Variants in UNC80 observed in about 807,000 individuals in gnomAD.
UNC80 encodes the protein unc-80 subunit of NALCN channel complex.
Under a neutral mutation model 384.6 loss-of-function variants are expected in UNC80, and 164 were observed. The observed-to-expected ratio is 0.43, with a 90% confidence interval of 0.38 to 0.49. UNC80 has a LOEUF of 0.49. Among genes scored for constraint, UNC80 ranks in the 20% least tolerant of loss-of-function variants. The pLI is 0.00. For synonymous variants in UNC80, 1,486 were observed against 1,527.8 expected (o/e 0.97, Z 0.64); for missense variants, 3,330 against 4,143.0 (o/e 0.80, Z 5.39).
Position 209,997,816 on chromosome 2 carries a change from C to T in UNC80, c.*2221C>T, listed in dbSNP as rs898115718. On this transcript the variant is annotated 3_prime_UTR_variant, in exon 65 of 65. Coordinates refer to ENST00000673920, the MANE Select transcript of UNC80 (RefSeq NM_001371986.1). Reference sequence around the variant, plus strand: ...TGTGCATCTGTTCCATTTAAGGTGCCCTTAAATGTGTTGAATGTAATGTGT... The same window carrying T: ...TGTGCATCTGTTCCATTTAAGGTGCTCTTAAATGTGTTGAATGTAATGTGT... The T allele has an allele frequency of 1.4e-4, 22 of 151,810 alleles. No individual in the cohort carries two copies. The highest frequency in any genetic ancestry group is 4.6e-4 in the African/African-American group (19 of 41,288). 9.4% of individuals were successfully genotyped at this position (151,810 alleles called of 1,614,324 possible).
chr2:209,943,620 T>G (rs13394206), intron 45 of UNC80, 106 bp downstream of exon 45: 51,140 of 1,362,608 alleles, frequency 0.038, 2,998 homozygotes, highest in African/African-American at 0.23. Flanking sequence ...CCATCACTTG[T>G]GTTTTGGCAG....
chr2:209,824,002 A>T (rs2080325244), intron 13 of UNC80, among the ~76,000 whole-genome samples: 1 of 152,272 alleles, frequency 6.6e-6, no homozygotes, highest in African/African-American at 2.4e-5. Flanking sequence ...ACTTTATTTC[A>T]TGCACAAAAT....
chr2:209,947,701 C>G (rs960032727), intron 47 of UNC80, among the ~76,000 whole-genome samples: 9 of 152,058 alleles, frequency 5.9e-5, no homozygotes, highest in African/African-American at 2.2e-4. Context: ...TTTGTAACAG[C>G]AAGTCTCTGT....
chr2:209,897,987 C>A (rs963014797), intron 28 of UNC80, among the ~76,000 whole-genome samples: 13 of 152,006 alleles, frequency 8.6e-5, no homozygotes, highest in African/African-American at 3.1e-4. Flanking sequence ...CATTTAATAT[C>A]AATATTCAAA....
chr2:209,906,510 T>G (rs1033758561), intron 29 of UNC80, among the ~76,000 whole-genome samples: 1 of 152,132 alleles, frequency 6.6e-6, no homozygotes, highest in African/African-American at 2.4e-5. Context: ...TTTTCAACTG[T>G]GGGGGCTCAG....
rs954891452 is a variant in UNC80 at position 209,965,397 on chromosome 2, T to A, written c.7806-2040T>A. On this transcript the variant is annotated intron_variant, in intron 51 of 64. Coordinates refer to ENST00000673920, the MANE Select transcript of UNC80 (RefSeq NM_001371986.1). ...ATACTGATCTCTCTACCTTTTTATA[T>A]GTTTGAGATTTTCCAAAATAAAAGT... Among the ~76,000 whole-genome samples, 5 of 152,218 alleles carry A rather than the reference T, an allele frequency of 3.3e-5. No individual in the cohort carries two copies. In the Middle Eastern group the frequency reaches 0.01, roughly 311 times the overall value.
At chr2:209,777,064 T>A (rs1231840345) in intron 3 of UNC80, among the ~76,000 whole-genome samples, 194 bp from the exon 4 acceptor site, 1 of 152,240 alleles carries the variant, frequency 6.6e-6, no homozygotes, top group African/African-American at 2.4e-5. Context: ...CAGCAGTTTC[T>A]GCCCCCATGG....
At chr2:209,868,207 A>G (rs940420745) in intron 22 of UNC80, among the ~76,000 whole-genome samples, 2 of 152,360 alleles carry the variant, frequency 1.3e-5, no homozygotes, top group East Asian at 1.9e-4. Flanking sequence ...TGGAATGCCT[A>G]CTAAGACCCC....
Position 209,834,621 on chromosome 2 carries a change from C to T in UNC80, c.2943-291C>T, listed in dbSNP as rs80054697. ...CTAGTAAACATATATTTATTTTATGCCTATTGTATATTAAATGCCACTTAA... is the reference window on the plus strand; with the variant it reads ...CTAGTAAACATATATTTATTTTATGTCTATTGTATATTAAATGCCACTTAA... On this transcript the variant is annotated intron_variant, in intron 17 of 64. Transcript: ENST00000673920. Among the ~76,000 whole-genome samples, 528 of 152,206 alleles carry T rather than the reference C, an allele frequency of 3.5e-3. 4 individuals are homozygous for T. The highest frequency in any genetic ancestry group is 9.7e-3 in the African/African-American group (402 of 41,520).
At position 209,967,645 on chromosome 2, in the gene UNC80, T is replaced by C. The variant is rs201106234; in HGVS notation, c.8006+8T>C. On this transcript the variant is annotated splice_region_variant and intron_variant, in intron 52 of 64. Transcript: ENST00000673920. ...TAAGATGCCTACTTTGAGGTGAGAA[T>C]GCCTCCGAGTTAGCTGTTGCTATCA... 77 of 1,550,732 alleles carry C rather than the reference T, an allele frequency of 5.0e-5. 1 individual carries two copies. The highest frequency in any genetic ancestry group is 5.8e-5 in the Non-Finnish European group (67 of 1,146,312).
At position 209,945,080 on chromosome 2, in the gene UNC80, T is replaced by A; in HGVS notation, c.7080T>A (p.Gly2360=). 1 of 1,551,712 alleles carries A rather than the reference T, an allele frequency of 6.4e-7. No individual in the cohort carries two copies. The highest frequency in any genetic ancestry group is 2.4e-5 in the East Asian group (1 of 40,912). ...CTGCCAATAATGGGCCCAGCAAAGGTGTGTCAGCTCAGTGCCTGTTTGACT... is the reference window on the plus strand; with the variant it reads ...CTGCCAATAATGGGCCCAGCAAAGGAGTGTCAGCTCAGTGCCTGTTTGACT... ...PDAANNGPSK[G]VSAQCLFDLL... The change falls in exon 46 of 65, where the codon GGT becomes GGA. Residue 2360 remains glycine (G), a synonymous_variant. Transcript: ENST00000673920.
Position 209,872,753 on chromosome 2 carries a change from C to T in UNC80, c.3628-5C>T, listed in dbSNP as rs2124882730. ...CATTATTCTTTCCTAAACAACCCTA[C>T]ACAGGAAGCCCCTGTGGTGGCCAGA... On this transcript the variant is annotated splice_polypyrimidine_tract_variant and splice_region_variant and intron_variant, in intron 22 of 64. Transcript: ENST00000673920. The surrounding 1 kb of genome is among the most constrained non-coding windows in gnomAD (Gnocchi z 4.1). The T allele has an allele frequency of 6.4e-7, 1 of 1,551,258 alleles. No individual in the cohort carries two copies. Among genetic ancestry groups the T allele is most frequent in the East Asian group, 2.4e-5 (1 of 40,914 alleles).
At chr2:209,873,958 TAA>T (rs939671830) in intron 23 of UNC80, among the ~76,000 whole-genome samples, 7 of 147,632 alleles carry the variant, frequency 4.7e-5, no homozygotes, top group Admixed American at 4.1e-4. Flanking sequence ...ACATCCTGTT[TAA>T]AAAGATACAC....
chr2:209,961,021 C>T (rs2092572400), intron 51 of UNC80: 1 of 151,858 alleles, frequency 6.6e-6, no homozygotes, highest in Non-Finnish European at 1.5e-5. Context: ...GACCAATGGC[C>T]ATTTTGTGAG....
intron 59 of UNC80, among the ~76,000 whole-genome samples, chr2:209,979,147 G>A (rs529267903): frequency 2.0e-4 from 31 of 152,272 alleles, no homozygotes; most frequent in South Asian, 1.0e-3. Flanking sequence ...TACTCTGGAG[G>A]CTGAGGCATG....
At chr2:209,945,809 C>G (rs780288467) in intron 46 of UNC80, 38 bp from the exon 47 acceptor site, 3 of 1,415,426 alleles carry the variant, frequency 2.1e-6, no homozygotes, top group Non-Finnish European at 2.9e-6. Flanking sequence ...CCTGCAAAAT[C>G]CACTCTGATA....
intron 64 of UNC80, 22 bp downstream of exon 64, chr2:209,994,286 G>T: frequency 1.3e-6 from 2 of 1,536,564 alleles, no homozygotes; most frequent in South Asian, 1.2e-5. Context: ...AGAGAAACAG[G>T]CAAGGCTTGC....
chr2:209,790,301 C>T (rs2077714958), intron 6 of UNC80, among the ~76,000 whole-genome samples: 1 of 152,100 alleles, frequency 6.6e-6, no homozygotes, highest in Non-Finnish European at 1.5e-5. Flanking sequence ...AAACTTGCTG[C>T]CTTCCGTCAA....
rs868122972 is a variant in UNC80, at chr2:209,985,986, C to G, written c.9314+1074C>G. Among the ~76,000 whole-genome samples the G allele has an allele frequency of 3.3e-5, 5 of 152,128 alleles. No individual in the cohort carries two copies. The South Asian group carries it at 1.0e-3, about 32-fold the overall frequency. ...AACCAGACCCATAATTCATGACATT[C>G]GTGTTTGCCAGCCCTTGCCTTGACA... On this transcript the variant is annotated intron_variant, in intron 61 of 64. Transcript: ENST00000673920.
Sources: allele counts gnomAD v4.1 joint callset (sites outside exome capture counted in the v4.1 genomes callset), GRCh38; gene constraint gnomAD v4.1.1; non-coding constraint Gnocchi (gnomAD v3.1); transcripts MANE v1.5; gene names NCBI Gene and HGNC (gene_info 2026-07-23, HGNC 2026-07-21).